The following C8orf34 variants were observed in gnomAD, a reference collection of about 807,000 sequenced individuals.
The protein encoded by C8orf34 is chromosome 8 open reading frame 34, also known as uncharacterized protein C8orf34.
C8orf34 carries 65 observed loss-of-function variants against 68.3 expected under a neutral mutation model. The observed-to-expected ratio is 0.95, with a 90% confidence interval of 0.78 to 1.17. C8orf34 has a LOEUF of 1.17. C8orf34 is among the 50% of genes most tolerant of loss of function. The pLI is 0.00. For missense variants in C8orf34, 664 were observed against 655.4 expected, an observed-to-expected ratio of 1.01 and a Z score of -0.14; for synonymous variants, 244 against 241.2, an observed-to-expected ratio of 1.01 and a Z score of -0.11.
At chr8:68,448,749 G>A (rs1179026846) in intron 3 of C8orf34, among the ~76,000 whole-genome samples, 1 of 152,006 alleles carries the variant, frequency 6.6e-6, no homozygotes, top group African/African-American at 2.4e-5. Context: ...AGCAAATATT[G>A]TCAGACTGAA....
rs571244336 is a variant in C8orf34, at chr8:68,738,875, A to G, written c.1404+17438A>G. 2.6e-5 allele frequency among the ~76,000 whole-genome samples: 4 copies of G among 152,304 alleles called. No homozygotes were observed. In the East Asian group the frequency reaches 5.8e-4, roughly 22 times the overall value. On this transcript the variant is annotated intron_variant, in intron 10 of 13. Coordinates refer to ENST00000518698, the MANE Select transcript of C8orf34 (RefSeq NM_052958.4). ...AGATGTACAAAGAAAATCTCATACC[A>G]TTCCTGGTGAAAGTATTCTAAAAAA...
At chr8:68,637,169 A>C (rs1345548367) in intron 7 of C8orf34, among the ~76,000 whole-genome samples, 1 of 152,226 alleles carries the variant, frequency 6.6e-6, no homozygotes, top group Non-Finnish European at 1.5e-5. Context: ...CTCTCTTGCC[A>C]ACAGTTGAGA....
chr8:68,814,186 C>T (rs1170998647), intron 12 of C8orf34, among the ~76,000 whole-genome samples: 2 of 152,198 alleles, frequency 1.3e-5, no homozygotes, highest in African/African-American at 4.8e-5. Flanking sequence ...CTCAAACAAG[C>T]AGTATCAGCA....
intron 4 of C8orf34, among the ~76,000 whole-genome samples, chr8:68,477,572 C>T (rs1812675367): frequency 6.6e-6 from 1 of 152,198 alleles, no homozygotes; most frequent in Non-Finnish European, 1.5e-5. Context: ...TTGAACTGTG[C>T]TCCTGGAAAA....
At chr8:68,541,235 G>C (rs577689194) in intron 7 of C8orf34, among the ~76,000 whole-genome samples, 2 of 152,110 alleles carry the variant, frequency 1.3e-5, no homozygotes, top group East Asian at 3.9e-4. Context: ...GGCATAGGTG[G>C]GATGATTGCT....
intron 6 of C8orf34, among the ~76,000 whole-genome samples, chr8:68,524,469 A>T (rs1358469048): frequency 6.6e-6 from 1 of 152,238 alleles, no homozygotes; most frequent in South Asian, 2.1e-4. Flanking sequence ...GACAAGAGAT[A>T]CTAACATGGA....
At chr8:68,525,622 A>G (rs1814942505) in intron 6 of C8orf34, 4 of 758,868 alleles carry the variant, frequency 5.3e-6, no homozygotes, top group Admixed American at 1.8e-5. Context: ...CGAACTGGTC[A>G]GATGGGAGCA....
chr8:68,573,368 T>A (rs938337951), intron 7 of C8orf34, among the ~76,000 whole-genome samples: 2 of 152,130 alleles, frequency 1.3e-5, no homozygotes, highest in African/African-American at 4.8e-5. Context: ...ATAAGCAGAA[T>A]GTGCACCAGC....
intron 8 of C8orf34, among the ~76,000 whole-genome samples, chr8:68,705,618 G>A (rs1821140922): frequency 6.6e-6 from 1 of 152,126 alleles, no homozygotes; most frequent in South Asian, 2.1e-4. Context: ...AATAAAAACT[G>A]TGGACGTAAA....
intron 4 of C8orf34, among the ~76,000 whole-genome samples, chr8:68,471,794 G>A (rs994578199): frequency 1.6e-4 from 25 of 151,692 alleles, no homozygotes; most frequent in Admixed American, 1.4e-3. Context: ...TTGGTTGTAC[G>A]GTCTAAAAAA....
Position 68,461,506 on chromosome 8 carries a change from G to A in C8orf34, c.608-7186G>A, listed in dbSNP as rs1811824468. On this transcript the variant is annotated intron_variant, in intron 3 of 13. Coordinates refer to ENST00000518698, the MANE Select transcript of C8orf34 (RefSeq NM_052958.4). ...TATAATTGTCAGATTCACCAAAGTT[G>A]AAATGAAGGAAAAAATGTTAAGGGC... Among the ~76,000 whole-genome samples the A allele has an allele frequency of 3.3e-5, 5 of 152,250 alleles. No homozygotes were observed. In the South Asian group the frequency reaches 1.0e-3, roughly 32 times the overall value.
intron 3 of C8orf34, 106 bp from the exon 4 acceptor site, chr8:68,468,586 T>C: frequency 1.8e-6 from 2 of 1,114,546 alleles, no homozygotes; most frequent in Non-Finnish European, 1.2e-6. Flanking sequence ...ATAAACACTT[T>C]TTATTCTATA....
intron 3 of C8orf34, among the ~76,000 whole-genome samples, chr8:68,465,162 AAAG>A (rs1195640689): frequency 2.6e-5 from 4 of 152,210 alleles, no homozygotes; most frequent in African/African-American, 9.7e-5. Flanking sequence ...ACACGTCACA[AAAG>A]AAGACAATTA....
intron 1 of C8orf34, among the ~76,000 whole-genome samples, chr8:68,427,217 G>T (rs1357895796): frequency 6.6e-6 from 1 of 151,944 alleles, no homozygotes; most frequent in Non-Finnish European, 1.5e-5. Context: ...AACCTCATGT[G>T]TACAAAAAAA....
At chr8:68,408,319 T>G (rs897166016) in intron 1 of C8orf34, among the ~76,000 whole-genome samples, 1 of 151,426 alleles carries the variant, frequency 6.6e-6, no homozygotes, top group African/African-American at 2.4e-5. Flanking sequence ...ATTATTGTAT[T>G]ATATATTATA....
At chr8:68,688,561 A>G (rs1820593061) in intron 8 of C8orf34, among the ~76,000 whole-genome samples, 1 of 152,154 alleles carries the variant, frequency 6.6e-6, no homozygotes, top group Non-Finnish European at 1.5e-5. Context: ...GCAATTTACA[A>G]TTGCAAAGAC....
intron 5 of C8orf34, among the ~76,000 whole-genome samples, chr8:68,516,739 C>G (rs1814536358): frequency 6.6e-6 from 1 of 152,048 alleles, no homozygotes; most frequent in African/African-American, 2.4e-5. Context: ...CTCCCAGATT[C>G]AAGTGATTCT....
At chr8:68,437,051 C>T (rs1300171131) in intron 1 of C8orf34, among the ~76,000 whole-genome samples, 1 of 152,186 alleles carries the variant, frequency 6.6e-6, no homozygotes, top group Non-Finnish European at 1.5e-5. Flanking sequence ...AACCAAGACA[C>T]CCAACATGCC....
chr8:68,563,827 A>T (rs1490578468), intron 7 of C8orf34, among the ~76,000 whole-genome samples: 1 of 152,192 alleles, frequency 6.6e-6, no homozygotes, highest in African/African-American at 2.4e-5. Context: ...GAGTGACATA[A>T]CAGAAGCATG....
Sources: gnomAD v4.1 joint callset for allele counts (sites outside exome capture counted in the v4.1 genomes callset) on GRCh38, gnomAD v4.1.1 for gene constraint, MANE v1.5 for transcripts, NCBI Gene and HGNC (gene_info 2026-07-23, HGNC 2026-07-21) for gene names.